Variants in USP34 observed in about 807,000 individuals in gnomAD.
USP34 encodes the protein ubiquitin specific peptidase 34.
A neutral mutation model predicts 460.3 loss-of-function variants in USP34; 70 were observed. That is an observed-to-expected ratio of 0.15 (90% CI 0.13 to 0.19). The LOEUF is 0.19. USP34 is among the 10% of genes least tolerant of loss of function. The pLI is 1.00. For missense variants in USP34, 3,985 were observed against 4,236.2 expected (o/e 0.94, Z 1.65); for synonymous variants, 1,647 against 1,405.3 (o/e 1.17, Z -3.85).
At position 61,444,622 on chromosome 2, in the gene USP34, A is replaced by G. The variant is rs192815717; in HGVS notation, c.44-23789T>C. Among the ~76,000 whole-genome samples the G allele has an allele frequency of 2.7e-3, 417 of 152,310 alleles. 1 individual carries two copies. Among genetic ancestry groups the G allele is most frequent in the African/African-American group, 9.3e-3 (388 of 41,564 alleles). ...CGGACTTGTCATAGTTAACTACTGA[A>G]GACAAAAACAAAGAAAATCTTAAAA... On this transcript the variant is annotated intron_variant, in intron 1 of 79. Coordinates refer to ENST00000398571, the MANE Select transcript of USP34 (RefSeq NM_014709.4).
At chr2:61,377,592 T>A (rs147866056) in intron 8 of USP34, among the ~76,000 whole-genome samples, 20 of 151,892 alleles carry the variant, frequency 1.3e-4, no homozygotes, top group African/African-American at 4.8e-4. Context: ...CTTTCCACCA[T>A]GCGAAAATAA....
chr2:61,283,964 C>G (rs77624027), intron 35 of USP34, among the ~76,000 whole-genome samples: 2 of 152,086 alleles, frequency 1.3e-5, no homozygotes, highest in African/African-American at 2.4e-5. Context: ...GGGTATAAGT[C>G]AAAGGGTATG....
At chr2:61,302,135 G>GA (rs1472655343) in intron 27 of USP34, among the ~76,000 whole-genome samples, 2 of 151,644 alleles carry the variant, frequency 1.3e-5, no homozygotes, top group South Asian at 2.1e-4. Flanking sequence ...ACTTTTTCGG[G>GA]AAAAAAAATG....
At chr2:61,378,298 T>C in intron 8 of USP34, 65 bp downstream of exon 8, 1 of 1,215,974 alleles carries the variant, frequency 8.2e-7, no homozygotes, top group Non-Finnish European at 1.2e-6. Flanking sequence ...AAAATTAGAA[T>C]TTACCATATA....
At chr2:61,197,872 G>C (rs538438963) in intron 75 of USP34, among the ~76,000 whole-genome samples, 1 of 152,328 alleles carries the variant, frequency 6.6e-6, no homozygotes, top group Admixed American at 6.5e-5. Context: ...CGGTTCTCCT[G>C]CCTCAGCCTC....
Position 61,405,922 on chromosome 2 carries a change from T to A in USP34, c.338A>T (p.Glu113Val). 1 of 1,613,876 alleles carries A rather than the reference T, an allele frequency of 6.2e-7. No individual in the cohort carries two copies. Among genetic ancestry groups the A allele is most frequent in the Non-Finnish European group, 8.5e-7 (1 of 1,179,974 alleles). ...TGATTTTTGTCTTTCTGTACTTCCT[T>A]CATTACACTCTCTATCTATATTCAG... ...EPLNIDRECN[E>V]GSTERQKSIE... Residue 113 changes from glutamate (E) to valine (V), a missense_variant, in exon 3 of 80, where the codon GAA becomes GTA. Physicochemically the swap from Glu to Val is moderately radical, Grantham distance 121. Coordinates refer to ENST00000398571, the MANE Select transcript of USP34 (RefSeq NM_014709.4).
intron 57 of USP34, among the ~76,000 whole-genome samples, chr2:61,235,405 A>C (rs533638662): frequency 6.7e-6 from 1 of 150,372 alleles, no homozygotes; most frequent in East Asian, 2.0e-4. Context: ...AGCTCACTAC[A>C]ACCTCTGCCT....
intron 10 of USP34, among the ~76,000 whole-genome samples, chr2:61,354,196 T>C (rs1279679652): frequency 6.6e-6 from 1 of 152,120 alleles, no homozygotes; most frequent in Non-Finnish European, 1.5e-5. Context: ...AAAAGACCCC[T>C]ATCGATACAC....
At chr2:61,378,936 A>AAC (rs1491506782) in intron 7 of USP34, among the ~76,000 whole-genome samples, 2 of 147,352 alleles carry the variant, frequency 1.4e-5, no homozygotes, top group African/African-American at 2.5e-5. Flanking sequence ...AAAAAAAAAA[A>AAC]ACAACACTAA....
At chr2:61,312,129 G>A (rs1315577349) in intron 25 of USP34, among the ~76,000 whole-genome samples, 1 of 149,160 alleles carries the variant, frequency 6.7e-6, no homozygotes, top group African/African-American at 2.5e-5. Context: ...TAGTCACCAC[G>A]AGAAATTACT....
At position 61,218,575 on chromosome 2, in the gene USP34, C is replaced by CT. The variant is rs547860884; in HGVS notation, c.8047+1734dup. Among the ~76,000 whole-genome samples, 458 of 151,348 alleles carry CT rather than the reference C, an allele frequency of 3.0e-3. 1 individual carries two copies. The highest frequency in any genetic ancestry group is 7.0e-3 in the Admixed American group (105 of 15,102). Reference sequence around the variant, plus strand: ...ATTTCACTTGTTTTGCCCTAATGTCCTTTTTTTTCCTTCCAGGATCCCATC... The same window carrying CT: ...ATTTCACTTGTTTTGCCCTAATGTCCTTTTTTTTTCCTTCCAGGATCCCATC... On this transcript the variant is annotated intron_variant, in intron 67 of 79. Coordinates refer to ENST00000398571, the MANE Select transcript of USP34 (RefSeq NM_014709.4).
At chr2:61,354,887 T>A (rs1031534191) in intron 10 of USP34, among the ~76,000 whole-genome samples, 2 of 152,166 alleles carry the variant, frequency 1.3e-5, no homozygotes, top group African/African-American at 4.8e-5. Flanking sequence ...CAACTCCTGA[T>A]TGAGTACTTG....
At chr2:61,465,472 T>C (rs1045049797) in intron 1 of USP34, among the ~76,000 whole-genome samples, 2 of 152,236 alleles carry the variant, frequency 1.3e-5, no homozygotes, top group Admixed American at 6.5e-5. Flanking sequence ...CATTAAGTCC[T>C]TACTCTTATC....
chr2:61,329,862 G>A (rs1206510515), intron 20 of USP34, among the ~76,000 whole-genome samples: 1 of 152,160 alleles, frequency 6.6e-6, no homozygotes, highest in African/African-American at 2.4e-5. Flanking sequence ...TAAAATAATA[G>A]ATTAATAACC....
In USP34 at chr2:61,278,416, C is replaced by T; in HGVS notation, c.5284G>A (p.Ala1762Thr). 6.3e-7 allele frequency: 1 copy of T among 1,599,928 alleles called. No homozygotes were observed. Among genetic ancestry groups the T allele is most frequent in the Middle Eastern group, 1.8e-4 (1 of 5,614 alleles). The change falls in exon 40 of 80, where the codon GCA (alanine) becomes ACA (threonine). Residue 1762 changes from alanine (A) to threonine (T), a missense_variant. By Grantham distance (58) the Ala-to-Thr change is moderately conservative. This residue lies in a region of USP34 where 1,114 missense variants were observed against 1,122.5 expected (regional missense o/e 0.99). Transcript: ENST00000398571. ...CGAATACAGTCAGCCAAATGTCTTG[C>T]CAAGGCATCTAAGTCGAGGAGCGTT... Reference protein sequence around the residue: ...QTTLLDLDALARHLADCIRSR... With the variant: ...QTTLLDLDALTRHLADCIRSR...
intron 21 of USP34, 77 bp downstream of exon 21, chr2:61,325,298 A>G: frequency 4.2e-6 from 4 of 943,252 alleles, no homozygotes; most frequent in Non-Finnish European, 6.1e-6. Flanking sequence ...AAAACTGCAG[A>G]AATCAGAAGC....
chr2:61,213,615 T>C (rs1439445877), intron 68 of USP34, among the ~76,000 whole-genome samples: 1 of 152,228 alleles, frequency 6.6e-6, no homozygotes, highest in African/African-American at 2.4e-5. Context: ...TTTGTTTGGA[T>C]GCAGCTTGAG....
At chr2:61,438,617 CAAAAACA>C (rs1694882359) in intron 1 of USP34, among the ~76,000 whole-genome samples, 7 of 50,418 alleles carry the variant, frequency 1.4e-4, no homozygotes, top group East Asian at 3.5e-4. Context: ...AAAACAAAAA[CAAAAACA>C]AAAAAAAAAC....
chr2:61,253,825 C>T (rs1688650927), intron 48 of USP34, among the ~76,000 whole-genome samples: 1 of 151,832 alleles, frequency 6.6e-6, no homozygotes, highest in South Asian at 2.1e-4. Flanking sequence ...ACCTCTGCCT[C>T]CCAGGTTCAG....
Sources: gnomAD v4.1 joint callset for allele counts (sites outside exome capture counted in the v4.1 genomes callset) on GRCh38, gnomAD v4.1.1 for gene constraint, gnomAD v4.1.1 regional missense constraint, MANE v1.5 for transcripts, NCBI Gene and HGNC (gene_info 2026-07-23, HGNC 2026-07-21) for gene names.